The following MACF1 variants were observed in gnomAD, a reference collection of about 807,000 sequenced individuals.
MACF1 encodes the protein microtubule actin crosslinking factor 1.
MACF1 carries 193 observed loss-of-function variants against 854.8 expected under a neutral mutation model. The observed-to-expected ratio is 0.23, with a 90% CI of 0.20 to 0.25. The LOEUF (loss-of-function observed/expected upper bound fraction) is 0.25, where lower values mean the gene tolerates loss of function less well. MACF1 is among the 10% of genes least tolerant of loss of function. MACF1 has a pLI of 1.00. For synonymous variants in MACF1, 3,185 were observed against 3,226.7 expected (o/e 0.99, Z 0.44); for missense variants, 7,722 against 8,929.1 (o/e 0.86, Z 5.45).
intron 82 of MACF1, 45 bp from the exon 83 acceptor site, chr1:39,447,988 G>A (rs377013478): frequency 1.2e-6 from 2 of 1,612,878 alleles, no homozygotes; most frequent in Non-Finnish European, 1.7e-6. Context: ...GTGCTGTATA[G>A]TGTGTATATT....
intron 2 of MACF1, among the ~76,000 whole-genome samples, chr1:39,195,984 AGTTT>A (rs1307707299): frequency 6.6e-6 from 1 of 152,184 alleles, no homozygotes; most frequent in African/African-American, 2.4e-5. Context: ...GGTCAGATGT[AGTTT>A]GTTTGCTGCT....
chr1:39,476,414 C>T (rs1291556894), intron 97 of MACF1, among the ~76,000 whole-genome samples: 2 of 151,830 alleles, frequency 1.3e-5, no homozygotes, highest in Admixed American at 6.6e-5. Flanking sequence ...ACTAAAAATA[C>T]GAAAAATTAG....
intron 26 of MACF1, among the ~76,000 whole-genome samples, chr1:39,315,155 A>G (rs1035655054): frequency 6.6e-6 from 1 of 151,938 alleles, no homozygotes; most frequent in Non-Finnish European, 1.5e-5. Flanking sequence ...CATCCTTTTC[A>G]TCTCATTAGT....
chr1:39,354,343 A>G (rs1557605384), intron 44 of MACF1, among the ~76,000 whole-genome samples: 1 of 151,936 alleles, frequency 6.6e-6, no homozygotes, highest in Non-Finnish European at 1.5e-5. Flanking sequence ...TTAATTCACC[A>G]CCACTCACCA....
At chr1:39,113,732 A>G (rs959559773) in intron 2 of MACF1, among the ~76,000 whole-genome samples, 4 of 152,128 alleles carry the variant, frequency 2.6e-5, no homozygotes, top group Non-Finnish European at 5.9e-5. Flanking sequence ...GATCCCAGGC[A>G]AGCAAAAAAG....
At chr1:39,448,538 A>G (rs1423836567) in intron 83 of MACF1, 56 bp from the exon 84 acceptor site, 2 of 1,391,788 alleles carry the variant, frequency 1.4e-6, no homozygotes, top group Non-Finnish European at 1.9e-6. Flanking sequence ...CTTTTGTTCC[A>G]AATCAAGATG....
At chr1:39,264,954 G>T (rs555664235) in intron 6 of MACF1, among the ~76,000 whole-genome samples, 1 of 152,258 alleles carries the variant, frequency 6.6e-6, no homozygotes, top group South Asian at 2.1e-4. Flanking sequence ...GATTACAGGC[G>T]TGAGCCACCG....
intron 1 of MACF1, among the ~76,000 whole-genome samples, chr1:39,217,819 G>A (rs1644595432): frequency 6.6e-6 from 1 of 150,480 alleles, no homozygotes. Context: ...TTGAGCCTGG[G>A]AGGCAGAGAT....
intron 1 of MACF1, among the ~76,000 whole-genome samples, chr1:39,212,320 T>C (rs1030918690): frequency 6.6e-6 from 1 of 152,174 alleles, no homozygotes; most frequent in African/African-American, 2.4e-5. Flanking sequence ...GCAGCAGAAC[T>C]TGCCTCTTTT....
chr1:39,151,576 T>C (rs1643581169), intron 2 of MACF1, among the ~76,000 whole-genome samples: 1 of 152,196 alleles, frequency 6.6e-6, no homozygotes, highest in African/African-American at 2.4e-5. Flanking sequence ...TCATGTTTGC[T>C]CATGTTTCTA....
rs1334828788 is a variant in MACF1, at chr1:39,380,360, T to A, written c.13635T>A (p.Ile4545=). 6.2e-7 allele frequency: 1 copy of A among 1,613,236 alleles called. No homozygotes were observed. Among genetic ancestry groups the A allele is most frequent in the South Asian group, 1.1e-5 (1 of 90,910 alleles). The stretch of plus-strand genomic sequence containing the variant: ...AGGAAGCAGAAAATTGGAAGAAAAT[T>A]CAGGAAGAACTCAGTAAGTTTTCAC... ...NSQEAENWKK[I]QEELNSRWER... Residue 4545 remains isoleucine, a synonymous_variant, in exon 55 of 101, where the codon ATT becomes ATA. Coordinates refer to ENST00000564288, the MANE Select transcript of MACF1 (RefSeq NM_001394062.1).
At chr1:39,314,736 AT>A (rs1646378961) in intron 26 of MACF1, among the ~76,000 whole-genome samples, 1 of 152,114 alleles carries the variant, frequency 6.6e-6, no homozygotes, top group African/African-American at 2.4e-5. Flanking sequence ...TCCACAGTAT[AT>A]TTACTTATTG....
At chr1:39,163,880 C>A (rs546947663) in intron 2 of MACF1, among the ~76,000 whole-genome samples, 1 of 152,224 alleles carries the variant, frequency 6.6e-6, no homozygotes, top group African/African-American at 2.4e-5. Flanking sequence ...ACTACATTGT[C>A]CTTATAGAAA....
At chr1:39,232,755 T>G (rs1571202230) in intron 2 of MACF1, among the ~76,000 whole-genome samples, 3 of 30,872 alleles carry the variant, frequency 9.7e-5, no homozygotes, top group South Asian at 5.0e-3. Context: ...TGTTTTTTTT[T>G]TTTTTTTTTT....
rs374434053 is a variant in MACF1, at chr1:39,367,976, GA to G, written c.12772-155del. ...CAGGAGTAAAACTCTGTCTCAAAAG[GA>G]AAAAAAAAAAAAAAAATGTTTGTTT... is the stretch of plus-strand genomic sequence containing the variant. On this transcript the variant is annotated intron_variant, in intron 49 of 100. Coordinates refer to ENST00000564288, the MANE Select transcript of MACF1 (RefSeq NM_001394062.1). Among the ~76,000 whole-genome samples the G allele has an allele frequency of 0.044, 4,670 of 106,208 alleles. 114 individuals are homozygous for G. The highest frequency in any genetic ancestry group is 0.21 in the East Asian group (831 of 3,996). The allele number at this position is 106,208 out of a possible 152,430, so 69.7% of individuals were successfully genotyped here. A position where few individuals can be genotyped will look rare whatever the true frequency, so the allele number is the denominator to read the frequency against.
intron 2 of MACF1, among the ~76,000 whole-genome samples, chr1:39,174,104 A>G (rs74765555): frequency 0.015 from 2,337 of 152,306 alleles, 136 homozygotes; most frequent in Admixed American, 0.1. Flanking sequence ...GTTTTTGGTC[A>G]TTGCTTCTAC....
rs983395228 is a variant in MACF1, at chr1:39,322,525, G to A, written c.4030-83G>A. 87 of 1,230,604 alleles carry A rather than the reference G, an allele frequency of 7.1e-5. No homozygotes were observed. The Admixed American group carries it at 1.5e-3, about 21-fold the overall frequency. The allele number at this position is 1,230,604 out of a possible 1,614,324, so 76.2% of individuals were successfully genotyped here. ...ATGAGTGGTCACCAAAACGCTTCCA[G>A]CAATAAAAAGCTATGATTTATTACA... On this transcript the variant is annotated intron_variant, in intron 31 of 100. Transcript: ENST00000564288.
At chr1:39,221,586 G>T (rs1354554340) in intron 1 of MACF1, among the ~76,000 whole-genome samples, 1 of 152,124 alleles carries the variant, frequency 6.6e-6, no homozygotes, top group Non-Finnish European at 1.5e-5. Context: ...CCTCCCAGTT[G>T]CTGTGGCTAG....
chr1:39,346,929 A>G (rs746427218), intron 40 of MACF1, 48 bp from the exon 41 acceptor site: 9 of 1,190,232 alleles, frequency 7.6e-6, no homozygotes. Context: ...TGAGAAATGG[A>G]AGTATCATGG....
Sources: gnomAD v4.1 joint callset for allele counts (sites outside exome capture counted in the v4.1 genomes callset) on GRCh38, gnomAD v4.1.1 for gene constraint, MANE v1.5 for transcripts, NCBI Gene and HGNC (gene_info 2026-07-23, HGNC 2026-07-21) for gene names.